The following UBE2E1 variants were observed in gnomAD, a reference collection of about 807,000 sequenced individuals.
The protein encoded by UBE2E1 is ubiquitin conjugating enzyme E2 E1.
UBE2E1 carries 6 observed loss-of-function variants against 21.4 expected under a neutral mutation model. That is an observed-to-expected ratio of 0.28 (90% CI 0.15 to 0.55). The LOEUF (loss-of-function observed/expected upper bound fraction) is 0.55, where lower values mean the gene tolerates loss of function less well. UBE2E1 is among the 20% of genes least tolerant of loss of function. The pLI, the probability that UBE2E1 is intolerant of heterozygous loss-of-function variation, is 0.93. For synonymous variants in UBE2E1, 87 were observed against 82.7 expected, an observed-to-expected ratio of 1.05 and a Z score of -0.28; for missense variants, 142 against 236.5, an observed-to-expected ratio of 0.60 and a Z score of 2.62.
chr3:23,842,408 G>A lies in UBE2E1; in HGVS notation c.203+30898G>A, dbSNP rs1454068001. The stretch of plus-strand genomic sequence containing the variant: ...TGACAGGCACATGCCACGATTCCCA[G>A]CTAATTTTTCTATTTTTTTGTGGAG... On this transcript the variant is annotated intron_variant, in intron 3 of 5. Coordinates refer to ENST00000306627, the MANE Select transcript of UBE2E1 (RefSeq NM_003341.5). The surrounding 1 kb of genome is among the most constrained non-coding windows in gnomAD (Gnocchi z 4.6). Among the ~76,000 whole-genome samples the A allele has an allele frequency of 6.6e-6, 1 of 152,104 alleles. No homozygotes were observed. Among genetic ancestry groups the A allele is most frequent in the Non-Finnish European group, 1.5e-5 (1 of 68,016 alleles).
At chr3:23,861,579 T>C (rs975045074) in intron 3 of UBE2E1, among the ~76,000 whole-genome samples, 1 of 152,048 alleles carries the variant, frequency 6.6e-6, no homozygotes, top group Non-Finnish European at 1.5e-5. Context: ...TCTGTGCCTA[T>C]AAAAACCCCA....
chr3:23,830,761 A>T (rs1699850725), intron 3 of UBE2E1, among the ~76,000 whole-genome samples: 1 of 152,232 alleles, frequency 6.6e-6, no homozygotes, highest in African/African-American at 2.4e-5. Context: ...GTCAAGCCAG[A>T]TGAGTGGTCT....
At chr3:23,889,777 C>G (rs1287473503) in intron 5 of UBE2E1, 91 of 984,686 alleles carry the variant, frequency 9.2e-5, no homozygotes, top group Non-Finnish European at 1.0e-4. Context: ...GTAGTCACAG[C>G]TACTAGGGTG....
intron 3 of UBE2E1, among the ~76,000 whole-genome samples, chr3:23,868,379 A>T (rs7648931): frequency 6.6e-6 from 1 of 151,926 alleles, no homozygotes; most frequent in African/African-American, 2.4e-5. Context: ...ACACGATCTC[A>T]CTCACTGCAA....
At chr3:23,879,062 T>G (rs950854506) in intron 3 of UBE2E1, 5 of 502,470 alleles carry the variant, frequency 1.0e-5, no homozygotes, top group Admixed American at 6.4e-5. Flanking sequence ...TTGCCAACAA[T>G]GTATCAGTTC....
At chr3:23,847,657 G>GCTAATTTTTT (rs1700236500) in intron 3 of UBE2E1, among the ~76,000 whole-genome samples, 1 of 151,764 alleles carries the variant, frequency 6.6e-6, no homozygotes, top group Non-Finnish European at 1.5e-5. Flanking sequence ...ACCACACTCG[G>GCTAATTTTTT]CTAATTTTTT....
chr3:23,861,778 G>T (rs770935381), intron 3 of UBE2E1, among the ~76,000 whole-genome samples: 3 of 152,182 alleles, frequency 2.0e-5, no homozygotes, highest in Non-Finnish European at 4.4e-5. Flanking sequence ...CCACCAAGCG[G>T]CCAGACTCCA....
chr3:23,889,670 A>C, intron 5 of UBE2E1: 1 of 985,368 alleles, frequency 1.0e-6, no homozygotes, highest in Non-Finnish European at 1.2e-6. Flanking sequence ...GGTCACTGAG[A>C]TGGCACTCAA....
Position 23,876,051 on chromosome 3 carries a change from G to A in UBE2E1, c.204-11516G>A, listed in dbSNP as rs755962976. The stretch of plus-strand genomic sequence containing the variant: ...CTCACAAAGTGCTGGGATTACAGGC[G>A]TGAGCCACTGTGCCCAGCCAAATAT... On this transcript the variant is annotated intron_variant, in intron 3 of 5. Transcript: ENST00000306627. This position sits in a 1 kb window ranked among gnomAD's most constrained non-coding sequence, Gnocchi z 4.3. Among the ~76,000 whole-genome samples, 70 of 152,222 alleles carry A rather than the reference G, an allele frequency of 4.6e-4. No homozygotes were observed. Among genetic ancestry groups the A allele is most frequent in the Admixed American group, 7.2e-4 (11 of 15,290 alleles).
chr3:23,845,801 G>A (rs1490477976), intron 3 of UBE2E1, among the ~76,000 whole-genome samples: 3 of 152,012 alleles, frequency 2.0e-5, no homozygotes. Context: ...ATTCATAAAT[G>A]AAAAAATGTG....
intron 2 of UBE2E1, 99 bp downstream of exon 2, chr3:23,807,520 A>AT: frequency 6.9e-7 from 1 of 1,453,456 alleles, no homozygotes; most frequent in Non-Finnish European, 9.2e-7. Flanking sequence ...AACGCTCCTC[A>AT]TGGTTTATGT....
At position 23,810,578 on chromosome 3, in the gene UBE2E1, G is replaced by C; in HGVS notation, c.153-882G>C. On this transcript the variant is annotated intron_variant, in intron 2 of 5. Transcript: ENST00000306627. The surrounding 1 kb of genome is among the most constrained non-coding windows in gnomAD (Gnocchi z 5.8). Reference sequence around the variant, plus strand: ...CCGGCCAGCGTGCGGGGCGGAGGCAGGGTCCGGTGCACCTGTGCGGCCGCG... The same window carrying C: ...CCGGCCAGCGTGCGGGGCGGAGGCACGGTCCGGTGCACCTGTGCGGCCGCG... 3 of 1,505,658 alleles carry C rather than the reference G, an allele frequency of 2.0e-6. No individual in the cohort carries two copies. Among genetic ancestry groups the C allele is most frequent in the Non-Finnish European group, 1.8e-6 (2 of 1,126,470 alleles). 93.3% of individuals were successfully genotyped at this position (1,505,658 alleles called of 1,614,324 possible).
chr3:23,829,615 A>G (rs1050670752), intron 3 of UBE2E1, among the ~76,000 whole-genome samples: 20 of 152,272 alleles, frequency 1.3e-4, no homozygotes, highest in Middle Eastern at 6.8e-3. Context: ...CTCTCCTGGA[A>G]AAGTGCTGAA....
intron 3 of UBE2E1, among the ~76,000 whole-genome samples, chr3:23,839,245 C>T (rs1192525347): frequency 2.6e-5 from 4 of 151,942 alleles, no homozygotes; most frequent in Admixed American, 6.6e-5. Flanking sequence ...GGGTGGATCA[C>T]GAGGTCAGGA....
chr3:23,886,105 G>C (rs1465137937), intron 3 of UBE2E1, among the ~76,000 whole-genome samples: 1 of 152,120 alleles, frequency 6.6e-6, no homozygotes, highest in African/African-American at 2.4e-5. Flanking sequence ...GGTGGCTAAG[G>C]TGGGAGGATC....
chr3:23,831,760 G>T (rs913636099), intron 3 of UBE2E1, among the ~76,000 whole-genome samples: 1 of 151,454 alleles, frequency 6.6e-6, no homozygotes, highest in Non-Finnish European at 1.5e-5. Flanking sequence ...GCAGTGGTGC[G>T]ATCTCAGCTC....
At chr3:23,879,984 G>A (rs1701001079) in intron 3 of UBE2E1, among the ~76,000 whole-genome samples, 1 of 152,180 alleles carries the variant, frequency 6.6e-6, no homozygotes, top group South Asian at 2.1e-4. Context: ...AGTGGCTCAC[G>A]CCTGTGAATC....
chr3:23,880,575 T>G (rs935974206), intron 3 of UBE2E1, among the ~76,000 whole-genome samples: 1 of 152,146 alleles, frequency 6.6e-6, no homozygotes, highest in Non-Finnish European at 1.5e-5. Context: ...AAAAATATCC[T>G]AAATTTCACT....
rs189182545 is a variant in UBE2E1 at position 23,842,664 on chromosome 3, G to A, written c.203+31154G>A. ...AACACTGAACAGCATTTTTTGTGAC[G>A]TAAAATCTCATTATCACAAATTACA... On this transcript the variant is annotated intron_variant, in intron 3 of 5. Transcript: ENST00000306627. This position sits in a 1 kb window ranked among gnomAD's most constrained non-coding sequence, Gnocchi z 4.6. 5.5e-4 allele frequency among the ~76,000 whole-genome samples: 84 copies of A among 152,196 alleles called. No homozygotes were observed. In the East Asian group the frequency reaches 0.013, roughly 23 times the overall value.
Sources: allele counts gnomAD v4.1 joint callset (sites outside exome capture counted in the v4.1 genomes callset), GRCh38; gene constraint gnomAD v4.1.1; non-coding constraint Gnocchi (gnomAD v3.1); transcripts MANE v1.5; gene names NCBI Gene and HGNC (gene_info 2026-07-23, HGNC 2026-07-21).